KCND3: variants seen among roughly 807,000 people sequenced by gnomAD.
KCND3 encodes the protein potassium voltage-gated channel subfamily D member 3, also known as A-type voltage-gated potassium channel KCND3.
A neutral mutation model predicts 51.1 loss-of-function variants in KCND3; 9 were observed. That is an observed-to-expected ratio of 0.18 (90% CI 0.11 to 0.31). The LOEUF (loss-of-function observed/expected upper bound fraction) is 0.31. Ranked by LOEUF, KCND3 falls within the 10% of genes least tolerant of loss-of-function variation. The pLI is 1.00. For synonymous variants in KCND3, 349 were observed against 368.0 expected (o/e 0.95, Z 0.59); for missense variants, 526 against 903.8 (o/e 0.58, Z 5.36).
intron 2 of KCND3, among the ~76,000 whole-genome samples, chr1:111,820,156 C>T (rs1413397934): frequency 1.3e-5 from 2 of 152,172 alleles, no homozygotes; most frequent in Non-Finnish European, 2.9e-5. Context: ...CCCAATGTTC[C>T]AGCCAAATGG....
At chr1:111,942,754 G>A (rs1672586481) in intron 2 of KCND3, among the ~76,000 whole-genome samples, 2 of 152,196 alleles carry the variant, frequency 1.3e-5, no homozygotes, top group Admixed American at 1.3e-4. Flanking sequence ...AAATAAAGCA[G>A]GAAAGGGGGT....
At chr1:111,892,584 T>C (rs569551618) in intron 2 of KCND3, among the ~76,000 whole-genome samples, 2 of 152,356 alleles carry the variant, frequency 1.3e-5, no homozygotes, top group South Asian at 4.1e-4. Context: ...CTATGTTTCC[T>C]GGAACTATAG....
chr1:111,949,646 T>TC (rs1672957754), intron 2 of KCND3, among the ~76,000 whole-genome samples: 2 of 152,118 alleles, frequency 1.3e-5, no homozygotes, highest in East Asian at 3.8e-4. Flanking sequence ...TTTCTCTCTC[T>TC]CCCCCTTCCC....
At chr1:111,979,111 G>T (rs1384520774) in intron 2 of KCND3, among the ~76,000 whole-genome samples, 2 of 152,202 alleles carry the variant, frequency 1.3e-5, no homozygotes, top group African/African-American at 4.8e-5. Context: ...AAACAAACTT[G>T]TTCATTGTCA....
intron 2 of KCND3, among the ~76,000 whole-genome samples, chr1:111,874,832 C>T (rs1190393619): frequency 3.3e-5 from 5 of 152,200 alleles, no homozygotes; most frequent in African/African-American, 1.2e-4. Context: ...TCTCACTAGA[C>T]CCCAGGGCCT....
chr1:111,833,310 T>C (rs917119650), intron 2 of KCND3, among the ~76,000 whole-genome samples: 2 of 152,240 alleles, frequency 1.3e-5, no homozygotes, highest in African/African-American at 4.8e-5. Flanking sequence ...GGATGATTAG[T>C]GCAGACCTTC....
intron 2 of KCND3, among the ~76,000 whole-genome samples, chr1:111,917,599 G>C (rs4839184): frequency 0.25 from 38,480 of 152,164 alleles, 5,270 homozygotes; most frequent in Non-Finnish European, 0.32. Flanking sequence ...AGGGCCATTG[G>C]AAGACGGGGA....
intron 2 of KCND3, among the ~76,000 whole-genome samples, chr1:111,837,986 C>G (rs1385463313): frequency 6.6e-6 from 1 of 152,076 alleles, no homozygotes; most frequent in Non-Finnish European, 1.5e-5. Flanking sequence ...CATGTCATAC[C>G]GAGGGCACAT....
chr1:111,878,598 C>T (rs1434583390), intron 2 of KCND3, among the ~76,000 whole-genome samples: 2 of 152,216 alleles, frequency 1.3e-5, no homozygotes, highest in Non-Finnish European at 2.9e-5. Context: ...TGCTTTAACC[C>T]ACACAGCTGG....
intron 2 of KCND3, among the ~76,000 whole-genome samples, chr1:111,974,982 T>A (rs1177978334): frequency 6.6e-6 from 1 of 152,248 alleles, no homozygotes; most frequent in Non-Finnish European, 1.5e-5. Flanking sequence ...TGTGAATTAA[T>A]CTTTCCCTTC....
intron 2 of KCND3, among the ~76,000 whole-genome samples, chr1:111,945,766 A>T (rs1429305881): frequency 2.6e-5 from 4 of 152,202 alleles, no homozygotes; most frequent in African/African-American, 9.7e-5. Context: ...TCAGTGTTGC[A>T]GGGTGATGTT....
chr1:111,790,653 C>T (rs1206713322), intron 2 of KCND3, among the ~76,000 whole-genome samples: 1 of 152,196 alleles, frequency 6.6e-6, no homozygotes, highest in Admixed American at 6.5e-5. Flanking sequence ...GAGTTGCGCT[C>T]ACATCACCGC....
At chr1:111,919,348 A>T (rs1226137996) in intron 2 of KCND3, among the ~76,000 whole-genome samples, 1 of 151,892 alleles carries the variant, frequency 6.6e-6, no homozygotes, top group Admixed American at 6.6e-5. Flanking sequence ...GTGGGTGGCA[A>T]CTCTAGGTAT....
chr1:111,830,423 T>C (rs1666783253), intron 2 of KCND3, among the ~76,000 whole-genome samples: 1 of 152,208 alleles, frequency 6.6e-6, no homozygotes, highest in African/African-American at 2.4e-5. Context: ...TTGCAATCCC[T>C]GGAGCATATC....
intron 2 of KCND3, among the ~76,000 whole-genome samples, chr1:111,808,726 G>C (rs1269504634): frequency 6.6e-6 from 1 of 152,196 alleles, no homozygotes; most frequent in Non-Finnish European, 1.5e-5. Flanking sequence ...AAGTTGGTGA[G>C]GGGAAGTGGC....
At chr1:111,787,421 G>T (rs1470300453) in intron 2 of KCND3, among the ~76,000 whole-genome samples, 1 of 152,222 alleles carries the variant, frequency 6.6e-6, no homozygotes, top group Non-Finnish European at 1.5e-5. Context: ...GTCAGGAAAG[G>T]CCTCTCTGAG....
chr1:111,895,490 C>T (rs756415046), intron 2 of KCND3, among the ~76,000 whole-genome samples: 19 of 152,186 alleles, frequency 1.2e-4, no homozygotes, highest in Non-Finnish European at 1.2e-4. Flanking sequence ...TGTGACATAG[C>T]GAGCACTGTT....
In KCND3 at chr1:111,786,947, T is replaced by C; in HGVS notation, c.1266A>G (p.Gln422=). 1 of 1,614,128 alleles carries C rather than the reference T, an allele frequency of 6.2e-7. No individual in the cohort carries two copies. Among genetic ancestry groups the C allele is most frequent in the Non-Finnish European group, 8.5e-7 (1 of 1,180,024 alleles). Residue 422 remains glutamine, a synonymous_variant, in exon 3 of 8, where the codon CAA becomes CAG. Coordinates refer to ENST00000302127, the MANE Select transcript of KCND3 (RefSeq NM_001378969.1). ...CTTCCCTGCGTCTGAGGCTTACCTT[T>C]TGTGCCCTGCGTTTATCAGCTCTCT... ...QNQRADKRRA[Q]KKARLARIRV... is the part of the protein sequence containing the mutation.
chr1:111,853,133 G>C (rs1457526592), intron 2 of KCND3, among the ~76,000 whole-genome samples: 2 of 152,228 alleles, frequency 1.3e-5, no homozygotes, highest in African/African-American at 4.8e-5. Flanking sequence ...AGAAAATGCA[G>C]TGGGTTGTGC....
Sources: gnomAD v4.1 joint callset for allele counts (sites outside exome capture counted in the v4.1 genomes callset) on GRCh38, gnomAD v4.1.1 for gene constraint, MANE v1.5 for transcripts, NCBI Gene and HGNC (gene_info 2026-07-23, HGNC 2026-07-21) for gene names.